FKBP9: variants seen among roughly 807,000 people sequenced by gnomAD.
FKBP9 encodes the protein FKBP prolyl isomerase 9, also known as peptidyl-prolyl cis-trans isomerase FKBP9.
In FKBP9, 27 loss-of-function variants were observed where a neutral mutation model predicts 55.6. That is an observed-to-expected ratio of 0.49 (90% CI 0.36 to 0.67). The LOEUF (loss-of-function observed/expected upper bound fraction) is 0.67. Ranked by LOEUF, FKBP9 falls within the 30% of genes least tolerant of loss-of-function variation. FKBP9 has a pLI of 0.00. For synonymous variants in FKBP9, 267 were observed against 296.5 expected (o/e 0.90, Z 1.02); for missense variants, 539 against 742.8 (o/e 0.73, Z 3.19).
intron 7 of FKBP9, among the ~76,000 whole-genome samples, chr7:32,997,994 T>C (rs1784851138): frequency 1.3e-5 from 2 of 152,196 alleles, no homozygotes; most frequent in Admixed American, 6.5e-5. Context: ...ACTGATGACA[T>C]ACTGTCAGTC....
chr7:32,984,884 T>C (rs1462015918), intron 5 of FKBP9, among the ~76,000 whole-genome samples: 1 of 152,240 alleles, frequency 6.6e-6, no homozygotes, highest in African/African-American at 2.4e-5. Flanking sequence ...AATTCTTATA[T>C]GTACTTTTGA....
intron 7 of FKBP9, among the ~76,000 whole-genome samples, chr7:32,996,770 G>T (rs1313067661): frequency 4.8e-3 from 123 of 25,798 alleles, no homozygotes; most frequent in East Asian, 0.016. Context: ...TTTTGATAAA[G>T]TCTCACTCTT....
At chr7:32,966,369 T>G (rs1583841965) in intron 1 of FKBP9, among the ~76,000 whole-genome samples, 1 of 151,982 alleles carries the variant, frequency 6.6e-6, no homozygotes, top group Non-Finnish European at 1.5e-5. Flanking sequence ...ACAGACAACT[T>G]TCCCATCACC....
rs1170596077 is a variant in FKBP9, at chr7:32,996,778, C to CTTTT, written c.1226+453_1226+456dup. Among the ~76,000 whole-genome samples the CTTTT allele has an allele frequency of 1.2e-3, 40 of 32,330 alleles. 3 individuals carry two copies. The highest frequency in any genetic ancestry group is 2.7e-3 in the African/African-American group (18 of 6,720). The allele number at this position is 32,330 out of a possible 152,430, so 21.2% of individuals were successfully genotyped here. A position where few individuals can be genotyped will look rare whatever the true frequency, so the allele number is the denominator to read the frequency against. On this transcript the variant is annotated intron_variant, in intron 7 of 9. Transcript: ENST00000242209. ...TTTTTTTTTTTGATAAAGTCTCACT[C>CTTTT]TTTTTTTTTTTTTTTTTTTTTTTTT...
At chr7:32,982,683 A>G (rs1010702729) in intron 5 of FKBP9, among the ~76,000 whole-genome samples, 6 of 152,156 alleles carry the variant, frequency 3.9e-5, no homozygotes, top group African/African-American at 1.2e-4. Flanking sequence ...TATATTTCCA[A>G]TTGAAAGACC....
Position 33,002,766 on chromosome 7 carries a change from G to C in FKBP9, c.1463G>C (p.Trp488Ser). The change falls in exon 9 of 10, where the codon TGG (tryptophan) becomes TCG (serine). Residue 488 changes from tryptophan (W) to serine (S), a missense_variant. By Grantham distance (177) the Trp-to-Ser change is radical. This residue lies in a region of FKBP9 where 102 missense variants were observed against 200.7 expected (regional missense o/e 0.51). Coordinates refer to ENST00000242209, the MANE Select transcript of FKBP9 (RefSeq NM_007270.5). ...CTTCCTGAGGGGTACATGTTCATAT[G>C]GAATGGTGAGGTGTCACCCAACCTC... ...AGLPEGYMFI[W>S]NGEVSPNLFE... 6.2e-7 allele frequency: 1 copy of C among 1,614,214 alleles called. No individual in the cohort carries two copies. The highest frequency in any genetic ancestry group is 8.5e-7 in the Non-Finnish European group (1 of 1,180,038).
rs1187871752 is a variant in FKBP9, at chr7:33,005,839, C to A, written c.*488C>A. The A allele has an allele frequency of 1.3e-5, 3 of 233,584 alleles. No homozygotes were observed. Among genetic ancestry groups the A allele is most frequent in the Non-Finnish European group, 2.5e-5 (3 of 118,530 alleles). The allele number at this position is 233,584 out of a possible 1,614,324, so 14.5% of individuals were successfully genotyped here. ...TTGCCCCAGCAGAGTTCCCAGCAGA[C>A]AGCCATGGCTCTTCCCAGCAGCCTG... On this transcript the variant is annotated 3_prime_UTR_variant, in exon 10 of 10. Transcript: ENST00000242209.
chr7:33,001,276 G>A, intron 8 of FKBP9, among the ~76,000 whole-genome samples: 1 of 152,152 alleles, frequency 6.6e-6, no homozygotes, highest in Non-Finnish European at 1.5e-5. Context: ...CGGGTGCGGT[G>A]GCTCATGCCT....
At chr7:33,003,010 G>A (rs954349944) in intron 9 of FKBP9, 171 bp downstream of exon 9, 8 of 608,908 alleles carry the variant, frequency 1.3e-5, no homozygotes, top group African/African-American at 3.7e-5. Context: ...ACACCCTCTC[G>A]ATGGAAGCTC....
At chr7:32,997,661 C>T (rs1360041995) in intron 7 of FKBP9, among the ~76,000 whole-genome samples, 2 of 152,170 alleles carry the variant, frequency 1.3e-5, no homozygotes, top group Non-Finnish European at 2.9e-5. Flanking sequence ...AACCCCATCT[C>T]TACTAAAAAT....
chr7:32,968,274 C>T (rs917371177), intron 1 of FKBP9, among the ~76,000 whole-genome samples: 93 of 152,330 alleles, frequency 6.1e-4, no homozygotes, highest in African/African-American at 2.2e-3. Context: ...CTCTTGGGCT[C>T]AAGCTTCAAC....
intron 1 of FKBP9, chr7:32,963,792 C>G: frequency 8.0e-7 from 1 of 1,252,632 alleles, no homozygotes; most frequent in Non-Finnish European, 1.0e-6. Flanking sequence ...CCCCATGCTG[C>G]ACACATGACC....
intron 1 of FKBP9, among the ~76,000 whole-genome samples, chr7:32,966,768 A>T (rs1205573806): frequency 6.6e-6 from 1 of 152,088 alleles, no homozygotes; most frequent in East Asian, 1.9e-4. Context: ...TCATGGTGGA[A>T]GGGAAAAGGG....
chr7:32,971,136 G>A (rs1326628276), intron 1 of FKBP9, among the ~76,000 whole-genome samples: 1 of 151,916 alleles, frequency 6.6e-6, no homozygotes, highest in African/African-American at 2.4e-5. Context: ...AGGACAGGTT[G>A]TATAAATGCT....
intron 8 of FKBP9, among the ~76,000 whole-genome samples, chr7:33,001,464 G>A (rs1784931477): frequency 6.6e-6 from 1 of 151,982 alleles, no homozygotes; most frequent in Non-Finnish European, 1.5e-5. Context: ...GAACCCAGGA[G>A]GTGGAGCTTG....
intron 1 of FKBP9, among the ~76,000 whole-genome samples, chr7:32,967,925 T>C (rs1284621051): frequency 6.6e-6 from 1 of 152,160 alleles, no homozygotes; most frequent in Non-Finnish European, 1.5e-5. Flanking sequence ...CAGCTGATTT[T>C]TGTATTTTTA....
chr7:32,981,907 A>G (rs1217242216), intron 5 of FKBP9, among the ~76,000 whole-genome samples: 2 of 151,508 alleles, frequency 1.3e-5, no homozygotes, highest in Non-Finnish European at 2.9e-5. Context: ...AAAAAAAAAA[A>G]AAAAAGAAAA....
rs759562861 is a variant in FKBP9 at position 32,963,533 on chromosome 7, T to C, written c.221+5739T>C. 2.1e-5 allele frequency: 20 copies of C among 962,454 alleles called. No homozygotes were observed. The South Asian group carries it at 5.0e-4, about 24-fold the overall frequency. The allele number at this position is 962,454 out of a possible 1,614,324, so 59.6% of individuals were successfully genotyped here. ...TTTACACAGGGATTCATCCAGCTTC[T>C]AACATTCCAGGTACTGGGATACAGC... On this transcript the variant is annotated intron_variant, in intron 1 of 9. Coordinates refer to ENST00000242209, the MANE Select transcript of FKBP9 (RefSeq NM_007270.5).
In FKBP9 at chr7:33,005,852, TC is replaced by T. The variant is rs1183355266; in HGVS notation, c.*504del. The T allele has an allele frequency of 4.3e-6, 1 of 233,180 alleles. No homozygotes were observed. Among genetic ancestry groups the T allele is most frequent in the Non-Finnish European group, 8.5e-6 (1 of 118,280 alleles). The allele number at this position is 233,180 out of a possible 1,614,324, so 14.4% of individuals were successfully genotyped here. On this transcript the variant is annotated 3_prime_UTR_variant, in exon 10 of 10. Coordinates refer to ENST00000242209, the MANE Select transcript of FKBP9 (RefSeq NM_007270.5). ...GTTCCCAGCAGACAGCCATGGCTCTTCCCAGCAGCCTGTGCAAATTCTGATG... is the reference window on the plus strand; with the variant it reads ...GTTCCCAGCAGACAGCCATGGCTCTTCCAGCAGCCTGTGCAAATTCTGATG...
Sources: allele counts gnomAD v4.1 joint callset (sites outside exome capture counted in the v4.1 genomes callset), GRCh38; gene constraint gnomAD v4.1.1; regional missense constraint gnomAD v4.1.1; transcripts MANE v1.5; gene names NCBI Gene and HGNC (gene_info 2026-07-23, HGNC 2026-07-21).